The following INPP4A variants were observed in gnomAD, a reference collection of about 807,000 sequenced individuals.
INPP4A encodes inositol polyphosphate-4-phosphatase, type I, 107kD.
A neutral mutation model predicts 119.8 loss-of-function variants in INPP4A; 33 were observed. That is an observed-to-expected ratio of 0.28 (90% CI 0.21 to 0.37). INPP4A has a LOEUF of 0.37. INPP4A is among the 10% of genes least tolerant of loss of function. The pLI, the probability that INPP4A is intolerant of heterozygous loss-of-function variation, is 1.00. For synonymous variants in INPP4A, 496 were observed against 500.7 expected (o/e 0.99, Z 0.12); for missense variants, 956 against 1,289.9 (o/e 0.74, Z 3.97).
At position 98,507,240 on chromosome 2, in the gene INPP4A, G is replaced by A. The variant is rs774209071; in HGVS notation, c.-165-11724G>A. 6.8e-4 allele frequency among the ~76,000 whole-genome samples: 104 copies of A among 152,294 alleles called. 1 individual carries two copies. The highest frequency in any genetic ancestry group is 1.2e-3 in the Non-Finnish European group (79 of 68,026). The stretch of plus-strand genomic sequence containing the variant: ...AGCCCATCCCATCCCTCACATTAAA[G>A]GAATATAAACCCGAGTTCATTTGTG... On this transcript the variant is annotated intron_variant, in intron 1 of 24. Transcript: ENST00000409851.
intron 1 of INPP4A, among the ~76,000 whole-genome samples, chr2:98,484,366 A>C (rs1302872687): frequency 6.6e-6 from 1 of 152,022 alleles, no homozygotes; most frequent in East Asian, 1.9e-4. Flanking sequence ...TGTCAGGCTC[A>C]CTGTATCTTT....
At chr2:98,523,946 A>C (rs1037596996) in intron 4 of INPP4A, among the ~76,000 whole-genome samples, 1 of 152,216 alleles carries the variant, frequency 6.6e-6, no homozygotes, top group African/African-American at 2.4e-5. Context: ...AATTATTTCC[A>C]AACATGTCAT....
At chr2:98,548,884 AT>A (rs1559053454) in intron 13 of INPP4A, 2 of 1,456,296 alleles carry the variant, frequency 1.4e-6, no homozygotes, top group Admixed American at 4.1e-5. Context: ...TGGCTTTTTA[AT>A]TTTTTGTTTT....
intron 24 of INPP4A, among the ~76,000 whole-genome samples, chr2:98,577,849 C>G (rs1698687541): frequency 6.6e-6 from 1 of 152,208 alleles, no homozygotes; most frequent in Non-Finnish European, 1.5e-5. Context: ...GATAAGAAAC[C>G]TGGTTTCCCG....
rs578188862 is a variant in INPP4A at position 98,554,180 on chromosome 2, C to A, written c.1348-91C>A. ...AAAGGCAGAGGGGTGCAGTGCTGGG[C>A]TTTAAGCCCATTCTCCATTTCTGAG... On this transcript the variant is annotated intron_variant, in intron 14 of 24. Coordinates refer to ENST00000409851, the MANE Select transcript of INPP4A (RefSeq NM_001134225.2). This position sits in a 1 kb window ranked among gnomAD's most constrained non-coding sequence, Gnocchi z 4.7. The A allele has an allele frequency of 1.8e-4, 180 of 982,696 alleles. 6 individuals are homozygous for A. In the South Asian group the frequency reaches 2.8e-3, roughly 15 times the overall value. 60.9% of individuals were successfully genotyped at this position (982,696 alleles called of 1,614,324 possible).
intron 1 of INPP4A, among the ~76,000 whole-genome samples, chr2:98,479,339 C>T (rs914762838): frequency 6.6e-5 from 10 of 152,202 alleles, no homozygotes; most frequent in Admixed American, 6.5e-4. Flanking sequence ...GTGAGATATC[C>T]CGAGGCTACC....
In INPP4A at chr2:98,591,092, T is replaced by C. The variant is rs912529035; in HGVS notation, c.*3484T>C. On this transcript the variant is annotated 3_prime_UTR_variant, in exon 25 of 25. Coordinates refer to ENST00000409851, the MANE Select transcript of INPP4A (RefSeq NM_001134225.2). Reference sequence around the variant, plus strand: ...GTCTTTTGGTCTGTGGTAGGAGTTATACAGTATTTTAAATGGTTTATGTAG... The same window carrying C: ...GTCTTTTGGTCTGTGGTAGGAGTTACACAGTATTTTAAATGGTTTATGTAG... The C allele has an allele frequency of 3.0e-5, 6 of 200,582 alleles. No homozygotes were observed. Among genetic ancestry groups the C allele is most frequent in the African/African-American group, 4.6e-5 (2 of 43,588 alleles). The allele number at this position is 200,582 out of a possible 1,614,324, so 12.4% of individuals were successfully genotyped here. A position where few individuals can be genotyped will look rare whatever the true frequency, so the allele number is the denominator to read the frequency against.
chr2:98,455,141 C>T (rs544127322), intron 1 of INPP4A, among the ~76,000 whole-genome samples: 42 of 152,108 alleles, frequency 2.8e-4, no homozygotes, highest in African/African-American at 9.9e-4. Flanking sequence ...GAGTTCAGAC[C>T]GGCCTGAGCA....
Position 98,565,410 on chromosome 2 carries a change from C to T in INPP4A, c.2153-230C>T, listed in dbSNP as rs113614869. Among the ~76,000 whole-genome samples the T allele has an allele frequency of 4.9e-3, 746 of 152,282 alleles. 6 individuals carry two copies. The highest frequency in any genetic ancestry group is 0.017 in the African/African-American group (699 of 41,544). On this transcript the variant is annotated intron_variant, in intron 19 of 24. Coordinates refer to ENST00000409851, the MANE Select transcript of INPP4A (RefSeq NM_001134225.2). ...CCCAAGAAATAGTGGGAAGGGATGGCGCGTGTTTCCACCAGATGCATGTTT... is the reference window on the plus strand; with the variant it reads ...CCCAAGAAATAGTGGGAAGGGATGGTGCGTGTTTCCACCAGATGCATGTTT...
intron 10 of INPP4A, among the ~76,000 whole-genome samples, chr2:98,540,210 G>A (rs1193451095): frequency 1.3e-5 from 2 of 152,198 alleles, no homozygotes; most frequent in East Asian, 1.9e-4. Flanking sequence ...GGGATTACAG[G>A]TGTGAGCCAC....
intron 1 of INPP4A, among the ~76,000 whole-genome samples, chr2:98,458,018 T>C (rs1696452098): frequency 6.6e-6 from 1 of 151,104 alleles, no homozygotes; most frequent in African/African-American, 2.4e-5. Context: ...GAGGTCTTGT[T>C]ATGTTGCCCA....
At position 98,564,801 on chromosome 2, in the gene INPP4A, G is replaced by A. The variant is rs761879329; in HGVS notation, c.2152+38G>A. The stretch of plus-strand genomic sequence containing the variant: ...GGCCAGGATCGGGAGCCCCACTTGC[G>A]TGTGTGGTTTCCATCCTTTCTTGCT... On this transcript the variant is annotated intron_variant, in intron 19 of 24. Coordinates refer to ENST00000409851, the MANE Select transcript of INPP4A (RefSeq NM_001134225.2). 87 of 1,539,198 alleles carry A rather than the reference G, an allele frequency of 5.7e-5. No homozygotes were observed. The highest frequency in any genetic ancestry group is 5.1e-4 in the Middle Eastern group (3 of 5,912).
chr2:98,562,100 A>G (rs1429353617), intron 17 of INPP4A, among the ~76,000 whole-genome samples: 1 of 152,050 alleles, frequency 6.6e-6, no homozygotes, highest in East Asian at 1.9e-4. Flanking sequence ...CACATTTTCC[A>G]CCTCTCAGTT....
chr2:98,532,210 C>T (rs1333728120), intron 4 of INPP4A, among the ~76,000 whole-genome samples: 4 of 151,912 alleles, frequency 2.6e-5, no homozygotes, highest in East Asian at 1.9e-4. Context: ...TTCATATCTC[C>T]TCCTTCCCTC....
intron 1 of INPP4A, among the ~76,000 whole-genome samples, chr2:98,458,330 G>A (rs772833490): frequency 9.2e-5 from 14 of 151,894 alleles, no homozygotes; most frequent in Non-Finnish European, 2.1e-4. Context: ...GGTGACAGGG[G>A]CTTGCCTCTG....
chr2:98,463,628 C>T (rs1294209783), intron 1 of INPP4A, among the ~76,000 whole-genome samples: 2 of 152,224 alleles, frequency 1.3e-5, no homozygotes, highest in African/African-American at 2.4e-5. Context: ...AGTTTTCAGG[C>T]ACAAAGGAAT....
rs182287163 is a variant in INPP4A, at chr2:98,495,298, A to G, written c.-165-23666A>G. ...TTAAAACTGCTATTATATTTGTTCC[A>G]CTGGTCTACGTGTCTATTTTTATAC... On this transcript the variant is annotated intron_variant, in intron 1 of 24. Transcript: ENST00000409851. 3.3e-3 allele frequency among the ~76,000 whole-genome samples: 504 copies of G among 152,346 alleles called. 1 individual carries two copies. The highest frequency in any genetic ancestry group is 6.0e-3 in the Non-Finnish European group (408 of 68,034).
intron 22 of INPP4A, among the ~76,000 whole-genome samples, chr2:98,571,033 A>G (rs1007568356): frequency 2.0e-5 from 3 of 152,180 alleles, no homozygotes; most frequent in African/African-American, 7.2e-5. Flanking sequence ...TAAACATAGC[A>G]TGAAGTCAAG....
intron 1 of INPP4A, among the ~76,000 whole-genome samples, chr2:98,477,631 C>T (rs1677525993): frequency 6.6e-6 from 1 of 152,254 alleles, no homozygotes; most frequent in Non-Finnish European, 1.5e-5. Context: ...ACTGCTCTCT[C>T]TTTGTGAGTG....
Sources: allele counts gnomAD v4.1 joint callset (sites outside exome capture counted in the v4.1 genomes callset), GRCh38; gene constraint gnomAD v4.1.1; non-coding constraint Gnocchi (gnomAD v3.1); transcripts MANE v1.5; gene names NCBI Gene and HGNC (gene_info 2026-07-23, HGNC 2026-07-21).